Variants in TOP3A observed in about 807,000 individuals in gnomAD.
TOP3A encodes DNA topoisomerase 3-alpha.
In TOP3A, 64 loss-of-function variants were observed where a neutral mutation model predicts 111.3. The ratio of observed to expected loss-of-function variants is 0.57; its 90% CI spans 0.47 to 0.71. The LOEUF (loss-of-function observed/expected upper bound fraction) is 0.71, where lower values mean the gene tolerates loss of function less well. TOP3A is among the 30% of genes least tolerant of loss of function. The pLI, the probability that TOP3A is intolerant of heterozygous loss-of-function variation, is 0.00. For synonymous variants in TOP3A, 484 were observed against 485.1 expected, an observed-to-expected ratio of 1.00 and a Z score of 0.03; for missense variants, 1,104 against 1,285.0, an observed-to-expected ratio of 0.86 and a Z score of 2.15.
At chr17:18,295,564 C>T (rs1035301757) in intron 9 of TOP3A, among the ~76,000 whole-genome samples, 6 of 151,386 alleles carry the variant, frequency 4.0e-5, no homozygotes, top group Non-Finnish European at 5.9e-5. Flanking sequence ...TGGGTTCATG[C>T]GATTCTCCTG....
intron 4 of TOP3A, 39 bp from the exon 5 acceptor site, chr17:18,305,259 T>C (rs899920006): frequency 1.1e-5 from 16 of 1,521,064 alleles, no homozygotes; most frequent in African/African-American, 5.5e-5. Flanking sequence ...GAGAACAGAA[T>C]TGCACAACAG....
intron 15 of TOP3A, 36 bp from the exon 16 acceptor site, chr17:18,282,877 GCAAT>G: frequency 6.2e-7 from 1 of 1,611,126 alleles, no homozygotes; most frequent in African/African-American, 1.3e-5. Context: ...CCATCAGCCA[GCAAT>G]CGCTGCAAAG....
In TOP3A at chr17:18,302,874, G is replaced by C. The variant is rs116659872; in HGVS notation, c.500-151C>G. On this transcript the variant is annotated intron_variant, in intron 5 of 18. Coordinates refer to ENST00000321105, the MANE Select transcript of TOP3A (RefSeq NM_004618.5). ...ATTTACCTATTAGGTTAAATCAATG[G>C]TGTACAGTGTCTAAAGAGGAAACAT... is the stretch of plus-strand genomic sequence containing the variant. 2.1e-3 allele frequency: 1,695 copies of C among 814,374 alleles called. 23 individuals are homozygous for C. In the African/African-American group the frequency reaches 0.026, roughly 12 times the overall value. 50.4% of individuals were successfully genotyped at this position (814,374 alleles called of 1,614,324 possible).
intron 9 of TOP3A, among the ~76,000 whole-genome samples, chr17:18,295,681 A>T (rs1980752519): frequency 6.6e-6 from 1 of 150,990 alleles, no homozygotes; most frequent in Non-Finnish European, 1.5e-5. Context: ...CTGGTCTCAA[A>T]TTCCTGACCT....
rs1384422376 is a variant in TOP3A at position 18,271,802 on chromosome 17, C to G, written c.*3000G>C. Reference sequence around the variant, plus strand: ...AGAGACCAGGTGTGATGGCTCCTGCCTGTTAATCCTAGCACTTTGGGAGGC... The same window carrying G: ...AGAGACCAGGTGTGATGGCTCCTGCGTGTTAATCCTAGCACTTTGGGAGGC... On this transcript the variant is annotated 3_prime_UTR_variant, in exon 19 of 19. Transcript: ENST00000321105. 1 of 448,912 alleles carries G rather than the reference C, an allele frequency of 2.2e-6. No homozygotes were observed. Among genetic ancestry groups the G allele is most frequent in the Non-Finnish European group, 4.5e-6 (1 of 220,140 alleles). 27.8% of individuals were successfully genotyped at this position (448,912 alleles called of 1,614,324 possible).
At chr17:18,296,027 A>G (rs1308874222) in intron 9 of TOP3A, among the ~76,000 whole-genome samples, 1 of 151,932 alleles carries the variant, frequency 6.6e-6, no homozygotes, top group East Asian at 1.9e-4. Context: ...CAGCCTCCCA[A>G]AGTGCTGAGA....
chr17:18,309,237 A>C (rs568387107), intron 1 of TOP3A, among the ~76,000 whole-genome samples: 1 of 152,368 alleles, frequency 6.6e-6, no homozygotes, highest in East Asian at 1.9e-4. Context: ...AGTGTTGTTG[A>C]GGATGTGGAG....
chr17:18,276,652 T>C (rs530885225), intron 18 of TOP3A, among the ~76,000 whole-genome samples: 1 of 152,334 alleles, frequency 6.6e-6, no homozygotes, highest in South Asian at 2.1e-4. Context: ...TGCTGAGCTT[T>C]GGAACCAGAT....
At chr17:18,281,439 G>T (rs367908682) in intron 16 of TOP3A, among the ~76,000 whole-genome samples, 5 of 152,044 alleles carry the variant, frequency 3.3e-5, no homozygotes, top group Non-Finnish European at 5.9e-5. Flanking sequence ...AATAACTAAA[G>T]AATAATAATA....
intron 2 of TOP3A, 96 bp from the exon 3 acceptor site, chr17:18,308,520 AT>A: frequency 2.4e-6 from 2 of 841,104 alleles, no homozygotes; most frequent in Non-Finnish European, 3.7e-6. Flanking sequence ...TATTAAAGAC[AT>A]TTTTAAAAAC....
intron 9 of TOP3A, among the ~76,000 whole-genome samples, chr17:18,298,685 G>T (rs1378803746): frequency 2.0e-5 from 3 of 151,888 alleles, no homozygotes; most frequent in Admixed American, 6.5e-5. Flanking sequence ...AGACGTGGGA[G>T]ACTTTTCATT....
Position 18,274,688 on chromosome 17 carries a change from A to G in TOP3A, c.*114T>C. ...CAAGAAGGCCCGACTCCAAAGGCCA[A>G]CACTGTCCTCTAAGTTTCCAGGACA... On this transcript the variant is annotated 3_prime_UTR_variant, in exon 19 of 19. Coordinates refer to ENST00000321105, the MANE Select transcript of TOP3A (RefSeq NM_004618.5). 2.0e-6 allele frequency: 3 copies of G among 1,493,540 alleles called. No individual in the cohort carries two copies. In the African/African-American group the frequency reaches 4.4e-5, roughly 22 times the overall value. The allele number at this position is 1,493,540 out of a possible 1,614,324, so 92.5% of individuals were successfully genotyped here. A position where few individuals can be genotyped will look rare whatever the true frequency, so the allele number is the denominator to read the frequency against.
chr17:18,294,587 CAA>C lies in TOP3A; in HGVS notation c.1073+114_1073+115del, dbSNP rs1194970621. Reference sequence around the variant, plus strand: ...TCGTGATCTGCCCGCCTCAGCCACCCAAAGTGATGGGATTACAGGTGTGAGCC... The same window carrying C: ...TCGTGATCTGCCCGCCTCAGCCACCCAGTGATGGGATTACAGGTGTGAGCC... On this transcript the variant is annotated intron_variant, in intron 10 of 18. Coordinates refer to ENST00000321105, the MANE Select transcript of TOP3A (RefSeq NM_004618.5). 1.9e-5 allele frequency: 14 copies of C among 730,038 alleles called. No individual in the cohort carries two copies. In the East Asian group the frequency reaches 3.6e-4, roughly 19 times the overall value. 45.2% of individuals were successfully genotyped at this position (730,038 alleles called of 1,614,324 possible).
At chr17:18,282,924 G>T in intron 15 of TOP3A, 83 bp from the exon 16 acceptor site, 1 of 1,553,096 alleles carries the variant, frequency 6.4e-7, no homozygotes. Flanking sequence ...CACACAACAG[G>T]CGTGACCTTG....
At chr17:18,293,945 T>C (rs1300075899) in intron 10 of TOP3A, among the ~76,000 whole-genome samples, 1 of 152,214 alleles carries the variant, frequency 6.6e-6, no homozygotes, top group East Asian at 1.9e-4. Flanking sequence ...TACATTCTAT[T>C]TCATAGAAGT....
chr17:18,291,101 T>C (rs2142963608), intron 11 of TOP3A, 74 bp from the exon 12 acceptor site: 1 of 1,487,296 alleles, frequency 6.7e-7, no homozygotes, highest in South Asian at 1.2e-5. Flanking sequence ...ACTGGTAGCC[T>C]TAGCCTAATG....
chr17:18,288,131 T>TTTTATATATATATATA lies in TOP3A; in HGVS notation c.1597+2425_1597+2426insTATATATATATATAAA, dbSNP rs143028955. ...GGTATATAAATAAAGCTGTTAATAA[T>TTTTATATATATATATA]TATATATATATATATATAAATTTTT... On this transcript the variant is annotated intron_variant, in intron 13 of 18. Coordinates refer to ENST00000321105, the MANE Select transcript of TOP3A (RefSeq NM_004618.5). Among the ~76,000 whole-genome samples, 3 of 122,736 alleles carry TTTTATATATATATATA rather than the reference T, an allele frequency of 2.4e-5. No homozygotes were observed. The Admixed American group carries it at 2.6e-4, about 10-fold the overall frequency. The allele number at this position is 122,736 out of a possible 152,430, so 80.5% of individuals were successfully genotyped here. A position where few individuals can be genotyped will look rare whatever the true frequency, so the allele number is the denominator to read the frequency against.
chr17:18,293,887 G>A (rs549890942), intron 10 of TOP3A, among the ~76,000 whole-genome samples: 20 of 152,268 alleles, frequency 1.3e-4, no homozygotes, highest in African/African-American at 3.6e-4. Context: ...GAGCCACCAC[G>A]CCCAGCATAA....
At chr17:18,311,209 C>T (rs904855164) in intron 1 of TOP3A, among the ~76,000 whole-genome samples, 31 of 152,004 alleles carry the variant, frequency 2.0e-4, no homozygotes, top group Middle Eastern at 3.2e-3. Context: ...ACCGTGTTAG[C>T]CAGGATGGTC....
Sources: gnomAD v4.1 joint callset for allele counts (sites outside exome capture counted in the v4.1 genomes callset) on GRCh38, gnomAD v4.1.1 for gene constraint, MANE v1.5 for transcripts, NCBI Gene and HGNC (gene_info 2026-07-23, HGNC 2026-07-21) for gene names.